ACER3: variants seen among roughly 807,000 people sequenced by gnomAD.
The protein encoded by ACER3 is alkaline ceramidase 3.
In ACER3, 16 loss-of-function variants were observed where a neutral mutation model predicts 48.9. The ratio of observed to expected loss-of-function variants is 0.33; its 90% CI spans 0.22 to 0.50. ACER3 has a LOEUF of 0.50. Ranked by LOEUF, ACER3 falls within the 20% of genes least tolerant of loss-of-function variation. ACER3 has a pLI of 0.98. For missense variants in ACER3, 227 were observed against 326.0 expected (o/e 0.70, Z 2.34); for synonymous variants, 109 against 107.8 (o/e 1.01, Z -0.07).
chr11:76,948,275 G>A (rs1947536435), intron 2 of ACER3, among the ~76,000 whole-genome samples: 2 of 146,502 alleles, frequency 1.4e-5, no homozygotes, highest in African/African-American at 5.0e-5. Context: ...AGGTGTGTAG[G>A]TTACTATAAT....
chr11:76,980,537 C>G (rs1948561902), intron 4 of ACER3, among the ~76,000 whole-genome samples: 1 of 151,992 alleles, frequency 6.6e-6, no homozygotes, highest in African/African-American at 2.4e-5. Flanking sequence ...AATTAGCTTG[C>G]ATGATGGTGC....
intron 4 of ACER3, 33 bp from the exon 5 acceptor site, chr11:76,985,607 ATTC>A: frequency 7.5e-7 from 1 of 1,332,754 alleles, no homozygotes; most frequent in South Asian, 1.3e-5. Context: ...CTACTTATAT[ATTC>A]TTTTAAAAGT....
At chr11:76,868,312 C>T in intron 1 of ACER3, 2 of 1,257,724 alleles carry the variant, frequency 1.6e-6, no homozygotes, top group Non-Finnish European at 1.0e-6. Flanking sequence ...GTTCATAAGT[C>T]AACTGAAGAA....
At chr11:76,948,907 C>A (rs1380883061) in intron 2 of ACER3, among the ~76,000 whole-genome samples, 2 of 152,104 alleles carry the variant, frequency 1.3e-5, no homozygotes, top group African/African-American at 4.8e-5. Flanking sequence ...TCATAGCAAC[C>A]TTTCATGACA....
intron 1 of ACER3, among the ~76,000 whole-genome samples, chr11:76,914,451 C>T (rs374824003): frequency 6.6e-6 from 1 of 152,282 alleles, no homozygotes. Context: ...AAAATGCTCA[C>T]CATCACTGGC....
At chr11:76,868,392 TG>T (rs1298927419) in intron 1 of ACER3, 1 of 75,606 alleles carries the variant, frequency 1.3e-5, no homozygotes, top group African/African-American at 9.9e-5. Flanking sequence ...TCTCTCTCTC[TG>T]TGTGTGTGTG....
chr11:76,863,754 G>T (rs1945001363), intron 1 of ACER3, among the ~76,000 whole-genome samples: 1 of 152,072 alleles, frequency 6.6e-6, no homozygotes, highest in Non-Finnish European at 1.5e-5. Flanking sequence ...TATCTCTTTT[G>T]ATCTTTACAG....
At chr11:76,899,128 G>C (rs191678143) in intron 1 of ACER3, among the ~76,000 whole-genome samples, 1 of 152,154 alleles carries the variant, frequency 6.6e-6, no homozygotes, top group African/African-American at 2.4e-5. Context: ...CAGATTTCTA[G>C]GGAAAATGAG....
intron 2 of ACER3, among the ~76,000 whole-genome samples, chr11:76,944,302 G>T (rs1396423504): frequency 6.6e-6 from 1 of 151,984 alleles, no homozygotes; most frequent in African/African-American, 2.4e-5. Flanking sequence ...TAAGACTTAT[G>T]AGTTTTATAT....
chr11:76,900,717 G>C (rs564849989), intron 1 of ACER3, among the ~76,000 whole-genome samples: 29 of 152,286 alleles, frequency 1.9e-4, no homozygotes, highest in African/African-American at 7.0e-4. Flanking sequence ...ATGTCAGTTT[G>C]TTTTCAGGCA....
intron 1 of ACER3, among the ~76,000 whole-genome samples, chr11:76,898,996 T>G (rs1946011116): frequency 2.0e-5 from 3 of 151,452 alleles, no homozygotes; most frequent in African/African-American, 7.3e-5. Flanking sequence ...TATTTAAAGG[T>G]TTTTTCAACA....
At chr11:76,960,386 C>T (rs1055854998) in intron 3 of ACER3, among the ~76,000 whole-genome samples, 12 of 151,600 alleles carry the variant, frequency 7.9e-5, no homozygotes, top group South Asian at 2.1e-4. Flanking sequence ...TCCAGCCTGG[C>T]GACAGAGCAA....
intron 7 of ACER3, among the ~76,000 whole-genome samples, chr11:77,006,379 G>A (rs557386658): frequency 2.6e-5 from 4 of 152,132 alleles, no homozygotes; most frequent in East Asian, 3.9e-4. Flanking sequence ...TAGAAAACTC[G>A]AGAAGGAAAA....
At chr11:76,880,613 C>T (rs550463960) in intron 1 of ACER3, among the ~76,000 whole-genome samples, 1 of 152,318 alleles carries the variant, frequency 6.6e-6, no homozygotes, top group Non-Finnish European at 1.5e-5. Context: ...CTTCTCTGTG[C>T]AGCATTCCTT....
rs1307594180 is a variant in ACER3 at position 77,025,406 on chromosome 11, ATATATT to A, written c.*5083_*5088del. On this transcript the variant is annotated 3_prime_UTR_variant, in exon 11 of 11. Coordinates refer to ENST00000532485, the MANE Select transcript of ACER3 (RefSeq NM_018367.7). ...TATTTTATTCTTTATATATATATATATATATTTATTTATTTTTTTGAGACAGAGTCT... is the reference window on the plus strand; with the variant it reads ...TATTTTATTCTTTATATATATATATATATTTATTTTTTTGAGACAGAGTCT... 8.3e-5 allele frequency: 12 copies of A among 144,270 alleles called. No homozygotes were observed. Among genetic ancestry groups the A allele is most frequent in the African/African-American group, 3.1e-4 (12 of 38,268 alleles). 8.9% of individuals were successfully genotyped at this position (144,270 alleles called of 1,614,324 possible). A position where few individuals can be genotyped will look rare whatever the true frequency, so the allele number is the denominator to read the frequency against.
chr11:77,014,754 T>C (rs1162653231), intron 7 of ACER3, among the ~76,000 whole-genome samples: 1 of 152,182 alleles, frequency 6.6e-6, no homozygotes, highest in Admixed American at 6.5e-5. Context: ...CTCATGAAAG[T>C]GATGTCTTCT....
rs865974018 is a variant in ACER3, at chr11:76,960,464, C to T, written c.267+1433C>T. 9.2e-5 allele frequency among the ~76,000 whole-genome samples: 14 copies of T among 151,846 alleles called. 2 individuals carry two copies. In the South Asian group the frequency reaches 2.5e-3, roughly 27 times the overall value. On this transcript the variant is annotated intron_variant, in intron 3 of 10. Coordinates refer to ENST00000532485, the MANE Select transcript of ACER3 (RefSeq NM_018367.7). ...TTAACCCAGTATATCTAAAATACTA[C>T]TTCTCTCTCTATATATAATCAATAT...
intron 1 of ACER3, among the ~76,000 whole-genome samples, chr11:76,865,681 G>A (rs1590850950): frequency 6.6e-6 from 1 of 151,794 alleles, no homozygotes; most frequent in East Asian, 2.0e-4. Context: ...GCTAATTTTT[G>A]TATTTGTAGT....
At chr11:76,994,689 C>T (rs943393769) in intron 6 of ACER3, among the ~76,000 whole-genome samples, 2 of 152,182 alleles carry the variant, frequency 1.3e-5, no homozygotes, top group Non-Finnish European at 2.9e-5. Flanking sequence ...ATGTGCCTCT[C>T]CCGTCTCTGT....
Sources: allele counts gnomAD v4.1 joint callset (sites outside exome capture counted in the v4.1 genomes callset), GRCh38; gene constraint gnomAD v4.1.1; transcripts MANE v1.5; gene names NCBI Gene and HGNC (gene_info 2026-07-23, HGNC 2026-07-21).